CDH23: variants seen among roughly 807,000 people sequenced by gnomAD.
CDH23 encodes cadherin related 23, also known as cadherin-23.
In CDH23, 189 loss-of-function variants were observed where a neutral mutation model predicts 317.1. The observed-to-expected ratio is 0.60, with a 90% CI of 0.53 to 0.67. CDH23 has a LOEUF of 0.67. Among genes scored for constraint, CDH23 ranks in the 30% least tolerant of loss-of-function variants. CDH23 has a pLI of 0.00. For missense variants in CDH23, 4,401 were observed against 4,592.4 expected, an observed-to-expected ratio of 0.96 and a Z score of 1.20; for synonymous variants, 1,839 against 1,876.8, an observed-to-expected ratio of 0.98 and a Z score of 0.52.
chr10:71,434,900 C>G (rs1420751844), intron 1 of CDH23, among the ~76,000 whole-genome samples: 2 of 152,210 alleles, frequency 1.3e-5, no homozygotes, highest in Non-Finnish European at 2.9e-5. Context: ...GCCCACCCAC[C>G]ACCCCAGCCA....
At chr10:71,510,043 C>G in intron 3 of CDH23, 39 bp from the exon 4 acceptor site, 1 of 1,613,724 alleles carries the variant, frequency 6.2e-7, no homozygotes. Flanking sequence ...AACGTGACCT[C>G]TCTTATTTTC....
chr10:71,687,735 G>T lies in CDH23; in HGVS notation c.2059+16G>T. Reference sequence around the variant, plus strand: ...ATCATGGCAGGTACAGGCTCAGGTCGGGGGGTGGGGGGCACATGGAGGTAG... The same window carrying T: ...ATCATGGCAGGTACAGGCTCAGGTCTGGGGGTGGGGGGCACATGGAGGTAG... On this transcript the variant is annotated intron_variant, in intron 19 of 69. Coordinates refer to ENST00000224721, the MANE Select transcript of CDH23 (RefSeq NM_022124.6). The T allele has an allele frequency of 1.2e-6, 2 of 1,610,660 alleles. No individual in the cohort carries two copies. Among genetic ancestry groups the T allele is most frequent in the Non-Finnish European group, 1.7e-6 (2 of 1,177,844 alleles).
intron 6 of CDH23, among the ~76,000 whole-genome samples, chr10:71,517,344 C>G (rs1474319487): frequency 6.6e-6 from 1 of 152,196 alleles, no homozygotes; most frequent in Non-Finnish European, 1.5e-5. Context: ...GTTCCTGGAT[C>G]TCAGCCCTGT....
intron 6 of CDH23, among the ~76,000 whole-genome samples, chr10:71,520,705 C>A (rs1036883857): frequency 6.6e-5 from 10 of 152,220 alleles, no homozygotes; most frequent in African/African-American, 2.4e-4. Flanking sequence ...CAGGTGTCCA[C>A]AGGTGTCTGA....
chr10:71,442,754 G>A (rs1208240519), intron 2 of CDH23, among the ~76,000 whole-genome samples: 1 of 152,170 alleles, frequency 6.6e-6, no homozygotes, highest in Non-Finnish European at 1.5e-5. Context: ...CCAGTTGCTG[G>A]GTGGGAGAGG....
At chr10:71,618,712 C>T (rs1861318200) in intron 11 of CDH23, among the ~76,000 whole-genome samples, 1 of 152,146 alleles carries the variant, frequency 6.6e-6, no homozygotes, top group Admixed American at 6.5e-5. Context: ...CCCAGGAGCC[C>T]CTCTGCCCAC....
At position 71,656,754 on chromosome 10, in the gene CDH23, G is replaced by A. The variant is rs1394532201; in HGVS notation, c.1449+10137G>A. ...AAGAGTAGCCCAGGTGAGGGATGCA[G>A]GTGAAAGACCCTGAGCAACAGCCTG... On this transcript the variant is annotated intron_variant, in intron 14 of 69. Transcript: ENST00000224721. 5.9e-5 allele frequency among the ~76,000 whole-genome samples: 9 copies of A among 152,174 alleles called. No individual in the cohort carries two copies. In the East Asian group the frequency reaches 7.7e-4, roughly 13 times the overall value.
intron 14 of CDH23, among the ~76,000 whole-genome samples, chr10:71,670,842 C>G (rs992093100): frequency 1.3e-5 from 2 of 152,134 alleles, no homozygotes; most frequent in Non-Finnish European, 2.9e-5. Flanking sequence ...TAGTGTGTAC[C>G]TCTGAGTGCC....
intron 11 of CDH23, among the ~76,000 whole-genome samples, chr10:71,625,078 T>A (rs1006232653): frequency 5.9e-5 from 9 of 151,964 alleles, no homozygotes; most frequent in African/African-American, 2.2e-4. Context: ...GAATAGGGCC[T>A]TAAAGAAGTG....
At chr10:71,661,272 C>T (rs36002494) in intron 14 of CDH23, among the ~76,000 whole-genome samples, 21,005 of 152,104 alleles carry the variant, frequency 0.14, 1,566 homozygotes, top group Non-Finnish European at 0.16. Flanking sequence ...CTCCCTCTGC[C>T]GGCCCAGCCT....
At chr10:71,736,658 C>G (rs1470035295) in intron 34 of CDH23, among the ~76,000 whole-genome samples, 1 of 152,184 alleles carries the variant, frequency 6.6e-6, no homozygotes, top group African/African-American at 2.4e-5. Flanking sequence ...CCAGCAGCCC[C>G]CCTCACCCCT....
At chr10:71,504,897 C>T (rs1226879261) in intron 3 of CDH23, among the ~76,000 whole-genome samples, 1 of 152,220 alleles carries the variant, frequency 6.6e-6, no homozygotes, top group Admixed American at 6.5e-5. Flanking sequence ...AGCTACAGGA[C>T]TTCTAACCTG....
At chr10:71,787,155 T>A (rs1168614472) in intron 44 of CDH23, among the ~76,000 whole-genome samples, 2 of 152,120 alleles carry the variant, frequency 1.3e-5, no homozygotes, top group African/African-American at 4.8e-5. Context: ...TGAAGTGAGA[T>A]GGAACAGGAT....
At chr10:71,524,671 T>C (rs1333925786) in intron 6 of CDH23, among the ~76,000 whole-genome samples, 1 of 152,148 alleles carries the variant, frequency 6.6e-6, no homozygotes, top group Non-Finnish European at 1.5e-5. Context: ...CTGTGAGGCC[T>C]CTGTAATCAC....
chr10:71,555,744 G>A (rs1224615959), intron 6 of CDH23, among the ~76,000 whole-genome samples: 2 of 152,196 alleles, frequency 1.3e-5, no homozygotes, highest in South Asian at 2.1e-4. Context: ...CTCTGAATAG[G>A]AAGGAGCTGG....
chr10:71,792,834 AAAAAAAAAAAAAAAAAAAATATAT>A (rs1564796197), intron 47 of CDH23, among the ~76,000 whole-genome samples: 2 of 76,704 alleles, frequency 2.6e-5, no homozygotes, highest in Admixed American at 1.3e-4. Context: ...AAAAAAAAAA[AAAAAAAAAAAAAAAAAAAATATAT>A]ATATATATAT....
At chr10:71,617,574 C>G in intron 11 of CDH23, 181 bp downstream of exon 11, 12 of 1,420,608 alleles carry the variant, frequency 8.4e-6, no homozygotes, top group Non-Finnish European at 1.1e-5. Context: ...TTTGGATTAT[C>G]CCCTACACCC....
chr10:71,517,140 G>C (rs549870105), intron 6 of CDH23, among the ~76,000 whole-genome samples: 155 of 152,338 alleles, frequency 1.0e-3, no homozygotes, highest in African/African-American at 3.6e-3. Flanking sequence ...AGGACAAAAG[G>C]AACATTTACA....
At chr10:71,801,152 T>C (rs76584012) in intron 53 of CDH23, among the ~76,000 whole-genome samples, 15 of 39,542 alleles carry the variant, frequency 3.8e-4, no homozygotes, top group Admixed American at 7.2e-4. Context: ...CTCTCTCTCT[T>C]TTTTTTTTTT....
Sources: allele counts gnomAD v4.1 joint callset (sites outside exome capture counted in the v4.1 genomes callset), GRCh38; gene constraint gnomAD v4.1.1; transcripts MANE v1.5; gene names NCBI Gene and HGNC (gene_info 2026-07-23, HGNC 2026-07-21).